The following SYNE2 variants were observed in gnomAD, a reference collection of about 807,000 sequenced individuals.
SYNE2 encodes the protein spectrin repeat containing nuclear envelope protein 2.
A neutral mutation model predicts 856.3 loss-of-function variants in SYNE2; 431 were observed. That is an observed-to-expected ratio of 0.50 (90% CI 0.47 to 0.55). The LOEUF (loss-of-function observed/expected upper bound fraction) is 0.55. Ranked by LOEUF, SYNE2 falls within the 20% of genes least tolerant of loss-of-function variation. The pLI is 0.00. For missense variants in SYNE2, 8,129 were observed against 8,023.2 expected, an observed-to-expected ratio of 1.01 and a Z score of -0.50; for synonymous variants, 2,923 against 2,872.3, an observed-to-expected ratio of 1.02 and a Z score of -0.56.
At chr14:64,173,684 C>T (rs528908245) in intron 94 of SYNE2, among the ~76,000 whole-genome samples, 2 of 152,230 alleles carry the variant, frequency 1.3e-5, no homozygotes, top group East Asian at 3.9e-4. Flanking sequence ...TCATAGCTCA[C>T]TGTAACCTCA....
intron 1 of SYNE2, 138 bp downstream of exon 1, chr14:63,853,281 A>T (rs559293505): frequency 6.6e-6 from 1 of 152,046 alleles, no homozygotes; most frequent in Admixed American, 6.5e-5. Flanking sequence ...AACCGACCCG[A>T]TGCCGGGGTC....
chr14:64,059,803 C>T (rs184670389), intron 49 of SYNE2, among the ~76,000 whole-genome samples: 2 of 152,336 alleles, frequency 1.3e-5, no homozygotes, highest in East Asian at 1.9e-4. Context: ...GATATGCTGT[C>T]TGGGAGCCAT....
intron 96 of SYNE2, among the ~76,000 whole-genome samples, chr14:64,184,327 G>GC (rs1406705229): frequency 2.3e-5 from 2 of 86,748 alleles, no homozygotes; most frequent in African/African-American, 1.0e-4. Flanking sequence ...TGTATGCATA[G>GC]GGGTGTGTGT....
chr14:63,962,633 A>C (rs1255885), intron 9 of SYNE2, among the ~76,000 whole-genome samples: 104,318 of 151,982 alleles, frequency 0.69, 36,081 homozygotes, highest in South Asian at 0.78. Flanking sequence ...TCTCTGCCTC[A>C]CAGGCTTAAA....
intron 66 of SYNE2, among the ~76,000 whole-genome samples, chr14:64,116,344 G>T (rs2097853778): frequency 6.6e-6 from 1 of 152,186 alleles, no homozygotes; most frequent in South Asian, 2.1e-4. Flanking sequence ...ATGTCTGGTA[G>T]TTCTATCTAA....
intron 106 of SYNE2, among the ~76,000 whole-genome samples, chr14:64,214,727 T>A (rs1012936861): frequency 2.0e-5 from 3 of 152,182 alleles, no homozygotes; most frequent in Non-Finnish European, 4.4e-5. Flanking sequence ...TGGCTCTGGC[T>A]GTCTGGGAGA....
chr14:64,126,541 C>T (rs2097947555), intron 72 of SYNE2, 57 bp from the exon 73 acceptor site: 3 of 1,613,994 alleles, frequency 1.9e-6, no homozygotes, highest in South Asian at 1.1e-5. Context: ...GTTAAGCCCA[C>T]GTGGAAGCCT....
intron 2 of SYNE2, among the ~76,000 whole-genome samples, chr14:63,928,056 TAGGAAAAAAAAAAAGACTCAGC>T (rs2095693423): frequency 6.7e-6 from 1 of 148,448 alleles, no homozygotes; most frequent in Non-Finnish European, 1.5e-5. Flanking sequence ...CTATAAAAAG[TAGGAAAAAAAAAAAGACTCAGC>T]AGTAGGGCTG....
intron 1 of SYNE2, among the ~76,000 whole-genome samples, chr14:63,895,283 T>G (rs60261435): frequency 0.058 from 8,856 of 151,404 alleles, 856 homozygotes; most frequent in African/African-American, 0.2. Context: ...TTTTTTTTTT[T>G]TATTTTTAGT....
At chr14:63,974,329 A>G (rs1486313777) in intron 11 of SYNE2, among the ~76,000 whole-genome samples, 1 of 152,136 alleles carries the variant, frequency 6.6e-6, no homozygotes, top group East Asian at 1.9e-4. Context: ...GGCTACTTCC[A>G]TTCATAGTGG....
At chr14:64,051,214 C>T (rs1439994155) in intron 47 of SYNE2, among the ~76,000 whole-genome samples, 2 of 152,028 alleles carry the variant, frequency 1.3e-5, no homozygotes, top group African/African-American at 4.8e-5. Flanking sequence ...AACCTTTATA[C>T]AAGTACTTTA....
At chr14:63,876,985 C>T (rs4902250) in intron 1 of SYNE2, among the ~76,000 whole-genome samples, 20,200 of 152,054 alleles carry the variant, frequency 0.13, 1,441 homozygotes, top group African/African-American at 0.19. Flanking sequence ...AGAAATAGAC[C>T]AATTGAGACT....
intron 72 of SYNE2, 51 bp from the exon 73 acceptor site, chr14:64,126,547 A>G: frequency 1.2e-6 from 2 of 1,614,116 alleles, no homozygotes; most frequent in Non-Finnish European, 1.7e-6. Flanking sequence ...CCCACGTGGA[A>G]GCCTCTTGAG....
At chr14:64,079,645 C>T (rs1016651076) in intron 55 of SYNE2, among the ~76,000 whole-genome samples, 1 of 152,308 alleles carries the variant, frequency 6.6e-6, no homozygotes, top group Admixed American at 6.5e-5. Context: ...AGCAGTTGCT[C>T]CTAATACATG....
At chr14:63,885,537 A>T (rs1169277564) in intron 1 of SYNE2, among the ~76,000 whole-genome samples, 1 of 152,198 alleles carries the variant, frequency 6.6e-6, no homozygotes, top group African/African-American at 2.4e-5. Context: ...TTTACAGAAG[A>T]ACATTAATTC....
chr14:64,152,814 C>A, intron 85 of SYNE2, 98 bp downstream of exon 85: 1 of 1,444,304 alleles, frequency 6.9e-7, no homozygotes, highest in Non-Finnish European at 9.6e-7. Context: ...TGGAGACTCT[C>A]TATACCAAAC....
At chr14:63,906,546 T>G (rs1025671853) in intron 1 of SYNE2, among the ~76,000 whole-genome samples, 1 of 152,206 alleles carries the variant, frequency 6.6e-6, no homozygotes, top group Admixed American at 6.5e-5. Context: ...CTTGGGAAAT[T>G]GTGTTTCCAG....
chr14:64,113,054 T>C (rs2097824438), intron 65 of SYNE2: 1 of 985,264 alleles, frequency 1.0e-6, no homozygotes, highest in Non-Finnish European at 1.2e-6. Context: ...ACTCACATTC[T>C]CACCTGTCTC....
chr14:63,956,730 T>C (rs2096246094), intron 8 of SYNE2, among the ~76,000 whole-genome samples: 1 of 152,230 alleles, frequency 6.6e-6, no homozygotes, highest in Non-Finnish European at 1.5e-5. Flanking sequence ...TACAGACTTT[T>C]TTCTTGTCAT....
Sources: gnomAD v4.1 joint callset for allele counts (sites outside exome capture counted in the v4.1 genomes callset) on GRCh38, gnomAD v4.1.1 for gene constraint, MANE v1.5 for transcripts, NCBI Gene and HGNC (gene_info 2026-07-23, HGNC 2026-07-21) for gene names.